Variants in REDIC1 observed in about 807,000 individuals in gnomAD.
REDIC1 encodes regulator of DNA class I crossover intermediates 1, also known as HEI10 Interacting Protein 1.
At chr12:39,699,584 T>A in the REDIC1 span, among the ~76,000 whole-genome samples, 3 of 150,728 alleles carry the variant, frequency 2.0e-5, no homozygotes, top group Admixed American at 6.6e-5. Context: ...AAGCTCGAAC[T>A]GGGTGGAGCC....
At chr12:39,864,003 C>T in the REDIC1 span, among the ~76,000 whole-genome samples, 1 of 152,154 alleles carries the variant, frequency 6.6e-6, no homozygotes, top group South Asian at 2.1e-4. Flanking sequence ...AGGTCTTATT[C>T]TATCTATATG....
At chr12:39,762,743 C>A in the REDIC1 span, among the ~76,000 whole-genome samples, 1 of 151,864 alleles carries the variant, frequency 6.6e-6, no homozygotes, top group Non-Finnish European at 1.5e-5. Flanking sequence ...AAATGAGACA[C>A]AAAAAGGGAG....
the REDIC1 span, among the ~76,000 whole-genome samples, chr12:39,692,705 C>T: frequency 6.6e-6 from 1 of 151,738 alleles, no homozygotes; most frequent in Non-Finnish European, 1.5e-5. Flanking sequence ...ATTTTGCTTA[C>T]GTTGTTTTGA....
At chr12:39,899,993 T>C in the REDIC1 span, among the ~76,000 whole-genome samples, 1 of 150,982 alleles carries the variant, frequency 6.6e-6, no homozygotes, top group Admixed American at 6.8e-5. Context: ...TTATCCACCA[T>C]GATCAAGTGG....
the REDIC1 span, among the ~76,000 whole-genome samples, chr12:39,825,981 G>A: frequency 3.1e-4 from 47 of 152,246 alleles, no homozygotes; most frequent in African/African-American, 1.1e-3. Context: ...AGCTAAACTA[G>A]AAGGGGTGAT....
At chr12:39,701,331 A>G in the REDIC1 span, among the ~76,000 whole-genome samples, 2 of 152,296 alleles carry the variant, frequency 1.3e-5, no homozygotes, top group South Asian at 2.1e-4. Context: ...AGATCAAAAG[A>G]GACAAAGAAG....
chr12:39,849,341 C>T, the REDIC1 span, among the ~76,000 whole-genome samples: 1 of 152,108 alleles, frequency 6.6e-6, no homozygotes, highest in East Asian at 1.9e-4. Flanking sequence ...GTTACTTGGA[C>T]AGCATGAAAG....
chr12:39,639,254 C>A, the REDIC1 span, among the ~76,000 whole-genome samples: 1 of 151,836 alleles, frequency 6.6e-6, no homozygotes, highest in Admixed American at 6.6e-5. Context: ...ATGCTGCATG[C>A]AGCAGAATAT....
the REDIC1 span, among the ~76,000 whole-genome samples, chr12:39,674,586 G>GGA: frequency 1.3e-5 from 2 of 152,178 alleles, no homozygotes; most frequent in Non-Finnish European, 2.9e-5. Flanking sequence ...GTGAGGGGGG[G>GGA]ATAGCCTGCT....
chr12:39,744,399 G>T, the REDIC1 span, among the ~76,000 whole-genome samples: 1 of 152,126 alleles, frequency 6.6e-6, no homozygotes, highest in African/African-American at 2.4e-5. Context: ...CATTAGAAAT[G>T]GAATAAGCGA....
the REDIC1 span, among the ~76,000 whole-genome samples, chr12:39,763,533 AG>A: frequency 6.6e-6 from 1 of 152,086 alleles, no homozygotes; most frequent in South Asian, 2.1e-4. Context: ...CTGGCCCTCC[AG>A]GGATTTATAG....
At chr12:39,887,482 T>C in the REDIC1 span, among the ~76,000 whole-genome samples, 1 of 152,126 alleles carries the variant, frequency 6.6e-6, no homozygotes, top group African/African-American at 2.4e-5. Flanking sequence ...AAAAGGGACT[T>C]TTCACAACAG....
chr12:39,795,505 C>G, the REDIC1 span, among the ~76,000 whole-genome samples: 1 of 152,142 alleles, frequency 6.6e-6, no homozygotes, highest in Admixed American at 6.6e-5. Flanking sequence ...CAGCTGATGA[C>G]TGGGTGTTTC....
the REDIC1 span, among the ~76,000 whole-genome samples, chr12:39,697,777 T>G: frequency 3.3e-5 from 5 of 151,484 alleles, no homozygotes; most frequent in African/African-American, 1.2e-4. Flanking sequence ...AAATAAAAAG[T>G]AAGAAAATAA....
the REDIC1 span, among the ~76,000 whole-genome samples, chr12:39,798,681 T>G: frequency 6.6e-6 from 1 of 152,188 alleles, no homozygotes; most frequent in Non-Finnish European, 1.5e-5. Flanking sequence ...GCTGAAAGAC[T>G]CGTGAGACAG....
chr12:39,821,468 A>G, the REDIC1 span, among the ~76,000 whole-genome samples: 1 of 152,116 alleles, frequency 6.6e-6, no homozygotes, highest in Non-Finnish European at 1.5e-5. Flanking sequence ...ATCTTGCTAT[A>G]TCAGTCAGAA....
At chr12:39,728,270 G>T in the REDIC1 span, among the ~76,000 whole-genome samples, 1 of 152,104 alleles carries the variant, frequency 6.6e-6, no homozygotes. Context: ...TATGATATTG[G>T]CTGTGGGTTT....
chr12:39,665,841 A>T, the REDIC1 span, among the ~76,000 whole-genome samples: 1 of 152,108 alleles, frequency 6.6e-6, no homozygotes, highest in Non-Finnish European at 1.5e-5. Flanking sequence ...AGCAATTGTG[A>T]ATGGGAGTTC....
At chr12:39,798,441 A>T in the REDIC1 span, among the ~76,000 whole-genome samples, 1 of 152,264 alleles carries the variant, frequency 6.6e-6, no homozygotes, top group Non-Finnish European at 1.5e-5. Flanking sequence ...ATTAACTTGA[A>T]TAAGTAACTG....
Sources: gnomAD v4.1 joint callset for allele counts (sites outside exome capture counted in the v4.1 genomes callset) on GRCh38, gnomAD v4.1.1 for gene constraint, MANE v1.5 for transcripts, NCBI Gene and HGNC (gene_info 2026-07-23, HGNC 2026-07-21) for gene names.